The following ARFGEF3 variants were observed in gnomAD, a reference collection of about 807,000 sequenced individuals.
The protein encoded by ARFGEF3 is brefeldin A-inhibited guanine nucleotide-exchange protein 3.
In ARFGEF3, 96 loss-of-function variants were observed where a neutral mutation model predicts 221.7. The ratio of observed to expected loss-of-function variants is 0.43; its 90% CI spans 0.37 to 0.51. The LOEUF is 0.51. Ranked by LOEUF, ARFGEF3 falls within the 20% of genes least tolerant of loss-of-function variation. The pLI is 0.00. For synonymous variants in ARFGEF3, 1,145 were observed against 1,126.8 expected, an observed-to-expected ratio of 1.02 and a Z score of -0.32; for missense variants, 2,410 against 2,789.9, an observed-to-expected ratio of 0.86 and a Z score of 3.07.
intron 2 of ARFGEF3, among the ~76,000 whole-genome samples, chr6:138,204,513 A>G (rs553228385): frequency 2.0e-5 from 3 of 152,240 alleles, no homozygotes; most frequent in Admixed American, 2.0e-4. Context: ...AGTCACATTC[A>G]TTGATTTACT....
chr6:138,283,206 G>C (rs1026400232), intron 14 of ARFGEF3, among the ~76,000 whole-genome samples: 6 of 152,210 alleles, frequency 3.9e-5, no homozygotes, highest in Non-Finnish European at 7.3e-5. Flanking sequence ...CTGAGAATTT[G>C]GTTGAGGACC....
chr6:138,256,701 T>C (rs1778688562), intron 10 of ARFGEF3, among the ~76,000 whole-genome samples: 1 of 152,214 alleles, frequency 6.6e-6, no homozygotes. Context: ...TACCATTCTT[T>C]TTCTTGCCTA....
chr6:138,314,077 T>A, intron 26 of ARFGEF3, 138 bp downstream of exon 26: 1 of 917,404 alleles, frequency 1.1e-6, no homozygotes, highest in Non-Finnish European at 1.6e-6. Context: ...TACTTGAGAG[T>A]GATAAATAGC....
In ARFGEF3 at chr6:138,340,799, C is replaced by CT. The variant is rs1333126374; in HGVS notation, c.*4313_*4314insT. On this transcript the variant is annotated 3_prime_UTR_variant, in exon 34 of 34. Coordinates refer to ENST00000251691, the MANE Select transcript of ARFGEF3 (RefSeq NM_020340.5). ...CTCTCTCTGACAACATGCTCTAAGT[C>CT]CATAGAGTAAGCACTCTAGTATGAA... 1 of 152,014 alleles carries CT rather than the reference C, an allele frequency of 6.6e-6. No homozygotes were observed. The highest frequency in any genetic ancestry group is 2.4e-5 in the African/African-American group (1 of 41,374). 9.4% of individuals were successfully genotyped at this position (152,014 alleles called of 1,614,324 possible). A position where few individuals can be genotyped will look rare whatever the true frequency, so the allele number is the denominator to read the frequency against.
At chr6:138,333,838 G>T (rs906581590) in intron 32 of ARFGEF3, 132 bp from the exon 33 acceptor site, 1 of 991,972 alleles carries the variant, frequency 1.0e-6, no homozygotes, top group South Asian at 1.8e-5. Flanking sequence ...TTTCATGGAA[G>T]ACATTTGAGT....
chr6:138,269,479 C>T (rs966136377), intron 12 of ARFGEF3, among the ~76,000 whole-genome samples: 2 of 152,168 alleles, frequency 1.3e-5, no homozygotes, highest in Non-Finnish European at 2.9e-5. Context: ...TATGCTGCCT[C>T]TGTCAGTTAG....
intron 8 of ARFGEF3, among the ~76,000 whole-genome samples, chr6:138,245,813 A>G (rs960972282): frequency 1.3e-5 from 2 of 152,216 alleles, no homozygotes; most frequent in Admixed American, 6.5e-5. Flanking sequence ...TTCTGATGTG[A>G]CAATGGGAAG....
intron 20 of ARFGEF3, among the ~76,000 whole-genome samples, chr6:138,296,279 A>C (rs914634653): frequency 1.3e-5 from 2 of 152,204 alleles, no homozygotes; most frequent in Admixed American, 1.3e-4. Context: ...GTAGATGATG[A>C]CAGTGAAAGG....
rs114276728 is a variant in ARFGEF3, at chr6:138,291,323, C to T, written c.3048-410C>T. Among the ~76,000 whole-genome samples the T allele has an allele frequency of 8.9e-3, 1,349 of 152,188 alleles. 15 individuals are homozygous for T. Among genetic ancestry groups the T allele is most frequent in the African/African-American group, 0.03 (1,245 of 41,522 alleles). Reference sequence around the variant, plus strand: ...AGGTATAGCCATTCTGGGATCCCATCGTAGGGAAACGCTTCCCAACTCCTA... The same window carrying T: ...AGGTATAGCCATTCTGGGATCCCATTGTAGGGAAACGCTTCCCAACTCCTA... On this transcript the variant is annotated intron_variant, in intron 18 of 33. Coordinates refer to ENST00000251691, the MANE Select transcript of ARFGEF3 (RefSeq NM_020340.5). This position sits in a 1 kb window ranked among gnomAD's most constrained non-coding sequence, Gnocchi z 4.5.
chr6:138,266,736 C>CTACT (rs1021052502), intron 12 of ARFGEF3, among the ~76,000 whole-genome samples: 2 of 150,584 alleles, frequency 1.3e-5, no homozygotes, highest in Admixed American at 6.6e-5. Flanking sequence ...GTAGTCCCAG[C>CTACT]TACTTGGGAG....
chr6:138,327,251 C>G (rs1356025811), intron 31 of ARFGEF3, among the ~76,000 whole-genome samples: 1 of 152,016 alleles, frequency 6.6e-6, no homozygotes, highest in African/African-American at 2.4e-5. Context: ...ACATGGACCC[C>G]AAACTTAAAA....
At chr6:138,183,615 G>A (rs1480980725) in intron 2 of ARFGEF3, among the ~76,000 whole-genome samples, 1 of 152,128 alleles carries the variant, frequency 6.6e-6, no homozygotes, top group Non-Finnish European at 1.5e-5. Flanking sequence ...CAAACACACA[G>A]CATGGTGCAT....
chr6:138,238,515 A>G lies in ARFGEF3; in HGVS notation c.427A>G (p.Ile143Val), dbSNP rs1406603108. Residue 143 changes from isoleucine (I) to valine (V), a missense_variant, in exon 6 of 34, where the codon ATT becomes GTT. Physicochemically the swap from Ile to Val is conservative, Grantham distance 29. Coordinates refer to ENST00000251691, the MANE Select transcript of ARFGEF3 (RefSeq NM_020340.5). ...TGTCTTATTTCTTTAACAGGTGTGC[A>G]TTGAGACGTACATAAGCAGCTGTCA... ...SAVLKIAEVC[I>V]ETYISSCHQR... 1.9e-6 allele frequency: 3 copies of G among 1,613,640 alleles called. No homozygotes were observed. The highest frequency in any genetic ancestry group is 1.7e-5 in the Admixed American group (1 of 60,016).
In ARFGEF3 at chr6:138,311,779, A is replaced by G. The variant is rs185822315; in HGVS notation, c.4200+269A>G. ...AGATGCCTGAACTACTGGAATCTCT[A>G]TATTTGCATGAGGTTTTAGGGGAAG... On this transcript the variant is annotated intron_variant, in intron 25 of 33. Coordinates refer to ENST00000251691, the MANE Select transcript of ARFGEF3 (RefSeq NM_020340.5). 5.3e-5 allele frequency among the ~76,000 whole-genome samples: 8 copies of G among 152,260 alleles called. No homozygotes were observed. The East Asian group carries it at 1.4e-3, about 26-fold the overall frequency.
intron 4 of ARFGEF3, chr6:138,215,990 T>C (rs1051189474): frequency 6.6e-6 from 1 of 151,590 alleles, no homozygotes; most frequent in African/African-American, 2.4e-5. Context: ...GTTTTTTTTT[T>C]TGGGTGGGGG....
intron 12 of ARFGEF3, among the ~76,000 whole-genome samples, chr6:138,277,007 T>C (rs1779110266): frequency 1.3e-5 from 2 of 152,204 alleles, no homozygotes; most frequent in Admixed American, 6.5e-5. Context: ...GTTTTCATCA[T>C]GGTAAAAATA....
intron 22 of ARFGEF3, among the ~76,000 whole-genome samples, chr6:138,300,758 A>G (rs1441811780): frequency 6.6e-6 from 1 of 152,186 alleles, no homozygotes; most frequent in African/African-American, 2.4e-5. Flanking sequence ...TCGCATCTTG[A>G]GTCAGGATCT....
At chr6:138,170,219 T>G (rs149677953) in intron 1 of ARFGEF3, among the ~76,000 whole-genome samples, 96 of 152,130 alleles carry the variant, frequency 6.3e-4, no homozygotes, top group African/African-American at 2.2e-3. Context: ...GTCACAAATG[T>G]GTATGAGAAT....
intron 12 of ARFGEF3, among the ~76,000 whole-genome samples, chr6:138,277,602 T>C (rs971368726): frequency 6.6e-6 from 1 of 152,254 alleles, no homozygotes; most frequent in African/African-American, 2.4e-5. Flanking sequence ...TTGCATCTAA[T>C]TCCCATGCAA....
Sources: gnomAD v4.1 joint callset for allele counts (sites outside exome capture counted in the v4.1 genomes callset) on GRCh38, gnomAD v4.1.1 for gene constraint, Gnocchi (gnomAD v3.1) non-coding constraint, MANE v1.5 for transcripts, NCBI Gene and HGNC (gene_info 2026-07-23, HGNC 2026-07-21) for gene names.